The following GLRA2 variants were observed in gnomAD, a reference collection of about 807,000 sequenced individuals.
GLRA2 encodes glycine receptor alpha 2.
A neutral mutation model predicts 31.6 loss-of-function variants in GLRA2; 11 were observed. The observed-to-expected ratio is 0.35, with a 90% CI of 0.22 to 0.58. The LOEUF (loss-of-function observed/expected upper bound fraction) is 0.58. GLRA2 is among the 20% of genes least tolerant of loss of function. The probability of loss-of-function intolerance (pLI) is 0.84; values close to 1 mark genes in which losing one functional copy is unlikely to be tolerated. For missense variants in GLRA2, 212 were observed against 351.8 expected, an observed-to-expected ratio of 0.60 and a Z score of 3.18; for synonymous variants, 132 against 134.0, an observed-to-expected ratio of 0.99 and a Z score of 0.10.
At chrX:14,631,089 A>G (rs980763452) in intron 7 of GLRA2, among the ~76,000 whole-genome samples, 3 of 111,296 alleles carry the variant, frequency 2.7e-5, no homozygotes, top group Non-Finnish European at 5.7e-5. Flanking sequence ...TTTGGAGAGG[A>G]CAAAACATTC....
At chrX:14,658,365 GT>G (rs2090959672) in intron 7 of GLRA2, among the ~76,000 whole-genome samples, 1 of 111,407 alleles carries the variant, frequency 9.0e-6, no homozygotes, top group Non-Finnish European at 1.9e-5. Flanking sequence ...AAATTAAATC[GT>G]TTTCGTCTTT....
At chrX:14,470,127 G>A in the GLRA2 span, among the ~76,000 whole-genome samples, 1 of 111,251 alleles carries the variant, frequency 9.0e-6, no homozygotes, top group African/African-American at 3.3e-5. Context: ...CATTTAGCAG[G>A]TTTCATGTTC....
intron 7 of GLRA2, among the ~76,000 whole-genome samples, chrX:14,654,384 CTA>C (rs2147141647): frequency 8.9e-6 from 1 of 112,087 alleles, no homozygotes; most frequent in East Asian, 2.8e-4. Context: ...AGACATAATG[CTA>C]TGTCTAAAAT....
chrX:14,547,135 A>G (rs769784626), intron 2 of GLRA2, among the ~76,000 whole-genome samples: 1 of 111,684 alleles, frequency 9.0e-6, no homozygotes, highest in South Asian at 3.8e-4. Flanking sequence ...AAGAAGGCAA[A>G]GAAATAAAGA....
At chrX:14,676,163 T>C (rs1216625877) in intron 7 of GLRA2, among the ~76,000 whole-genome samples, 3 of 112,648 alleles carry the variant, frequency 2.7e-5, no homozygotes, top group Admixed American at 9.4e-5. Flanking sequence ...AATTGTACTG[T>C]ACAGAAAACT....
Position 14,594,048 on chromosome X carries a change from C to G in GLRA2, c.495-10267C>G, listed in dbSNP as rs781644298. On this transcript the variant is annotated intron_variant, in intron 4 of 8. Transcript: ENST00000218075. ...AAGGATGGACCATCCTATCAACTGA[C>G]CAGAACTCCATTCTCTCTCCAAACT... Among the ~76,000 whole-genome samples, 13 of 112,200 alleles carry G rather than the reference C, an allele frequency of 1.2e-4. No homozygotes were observed. In the South Asian group the frequency reaches 3.7e-3, roughly 32 times the overall value.
chrX:14,612,734 A>G (rs1016198673), intron 7 of GLRA2, among the ~76,000 whole-genome samples: 15 of 108,701 alleles, frequency 1.4e-4, no homozygotes, highest in African/African-American at 4.7e-4. Flanking sequence ...ATGGAAAACC[A>G]AACACTGCAT....
chrX:14,629,735 A>G (rs1186144184), intron 7 of GLRA2, among the ~76,000 whole-genome samples: 1 of 111,058 alleles, frequency 9.0e-6, no homozygotes, highest in Admixed American at 9.6e-5. Context: ...CCTATTGTCC[A>G]TAACTCTTTT....
the GLRA2 span, among the ~76,000 whole-genome samples, chrX:14,469,737 C>T: frequency 0.017 from 1,744 of 102,078 alleles, 36 homozygotes; most frequent in African/African-American, 0.059. Context: ...GGAGATATAC[C>T]TAATGCTAAA....
the GLRA2 span, among the ~76,000 whole-genome samples, chrX:14,514,418 T>A: frequency 1.8e-5 from 2 of 110,438 alleles, no homozygotes; most frequent in African/African-American, 3.3e-5. Flanking sequence ...TAAGTTTTTT[T>A]AAAAAAAGAA....
At chrX:14,620,488 G>A (rs1381813285) in intron 7 of GLRA2, among the ~76,000 whole-genome samples, 2 of 110,700 alleles carry the variant, frequency 1.8e-5, no homozygotes, top group Admixed American at 9.6e-5. Flanking sequence ...CAAGAACTGA[G>A]TAAGGTTTTA....
At chrX:14,524,128 A>G in the GLRA2 span, among the ~76,000 whole-genome samples, 36 of 112,438 alleles carry the variant, frequency 3.2e-4, no homozygotes, top group African/African-American at 1.1e-3. Context: ...TAAAAAATGC[A>G]ATATCTGTGA....
chrX:14,611,410 G>A (rs909280038), intron 7 of GLRA2, among the ~76,000 whole-genome samples: 1 of 113,038 alleles, frequency 8.8e-6, no homozygotes, highest in Non-Finnish European at 1.9e-5. Context: ...AGACTTTGGT[G>A]TATTTTCTTT....
chrX:14,601,625 C>T (rs951505595), intron 4 of GLRA2, among the ~76,000 whole-genome samples: 1 of 111,684 alleles, frequency 9.0e-6, no homozygotes, highest in African/African-American at 3.2e-5. Context: ...TTTTACATTG[C>T]ACTGTTTTAT....
intron 4 of GLRA2, among the ~76,000 whole-genome samples, chrX:14,591,206 A>G (rs2090142451): frequency 8.9e-6 from 1 of 111,884 alleles, no homozygotes; most frequent in Non-Finnish European, 1.9e-5. Context: ...TACAAGTTAC[A>G]TATTACATAT....
Position 14,548,851 on chromosome X carries a change from A to G in GLRA2, c.202+16479A>G, listed in dbSNP as rs756349365. Among the ~76,000 whole-genome samples, 4 of 111,808 alleles carry G rather than the reference A, an allele frequency of 3.6e-5. No homozygotes were observed. In the South Asian group the frequency reaches 1.5e-3, roughly 42 times the overall value. ...GGTTCACTTCATGGTTATGGCCCAT[A>G]CTTCCTTCCAACCAGTGAGTCTGTG... On this transcript the variant is annotated intron_variant, in intron 2 of 8. Transcript: ENST00000218075.
chrX:14,490,484 T>G, the GLRA2 span, among the ~76,000 whole-genome samples: 1 of 112,463 alleles, frequency 8.9e-6, no homozygotes, highest in Non-Finnish European at 1.9e-5. Flanking sequence ...ATCTTTTCCT[T>G]AAAGTTGGAA....
At chrX:14,704,925 AAG>A (rs2091598813) in intron 8 of GLRA2, among the ~76,000 whole-genome samples, 1 of 112,223 alleles carries the variant, frequency 8.9e-6, no homozygotes, top group East Asian at 2.8e-4. Context: ...TAAGAACCAT[AAG>A]AGAGTTATAG....
chrX:14,608,070 C>T (rs2090356274), intron 6 of GLRA2, among the ~76,000 whole-genome samples: 1 of 111,547 alleles, frequency 9.0e-6, no homozygotes, highest in African/African-American at 3.3e-5. Context: ...TTTATGCACA[C>T]TTGTTCCAAC....
Sources: gnomAD v4.1 joint callset for allele counts (sites outside exome capture counted in the v4.1 genomes callset) on GRCh38, gnomAD v4.1.1 for gene constraint, MANE v1.5 for transcripts, NCBI Gene and HGNC (gene_info 2026-07-23, HGNC 2026-07-21) for gene names.